IGF2R: variants seen among roughly 807,000 people sequenced by gnomAD.
The protein encoded by IGF2R is cation-independent mannose-6-phosphate receptor.
IGF2R carries 91 observed loss-of-function variants against 270.6 expected under a neutral mutation model. That is an observed-to-expected ratio of 0.34 (90% CI 0.28 to 0.40). The LOEUF is 0.40. IGF2R is among the 10% of genes least tolerant of loss of function. The pLI is 1.00. For synonymous variants in IGF2R, 1,316 were observed against 1,258.9 expected (o/e 1.05, Z -0.96); for missense variants, 2,805 against 3,188.3 (o/e 0.88, Z 2.90).
chr6:160,020,900 A>G (rs185461625), intron 4 of IGF2R, among the ~76,000 whole-genome samples: 66 of 152,382 alleles, frequency 4.3e-4, no homozygotes, highest in African/African-American at 1.5e-3. Context: ...CAAAGAATTC[A>G]TGACTAAGAC....
At position 160,029,543 on chromosome 6, in the gene IGF2R, C is replaced by T. The variant is rs761046185; in HGVS notation, c.777-7C>T. ...GTAATACTCTTTTCTCAATGTGGCT[C>T]TCCCAGGCTTGTCCTGAGTTACGTG... On this transcript the variant is annotated splice_region_variant and splice_polypyrimidine_tract_variant and intron_variant, in intron 6 of 47. Coordinates refer to ENST00000356956, the MANE Select transcript of IGF2R (RefSeq NM_000876.4). 6 of 1,596,388 alleles carry T rather than the reference C, an allele frequency of 3.8e-6. No homozygotes were observed. The highest frequency in any genetic ancestry group is 1.7e-4 in the Middle Eastern group (1 of 6,038).
Position 160,032,868 on chromosome 6 carries a change from CTAAG to C in IGF2R, c.1046-69_1046-66del, listed in dbSNP as rs1348815510. On this transcript the variant is annotated intron_variant, in intron 8 of 47. Transcript: ENST00000356956. ...TTTCAGAAATAGGATTCAGGTTTGA[CTAAG>C]TAAGACTGTAATCTTCTAATACCTA... 4.3e-6 allele frequency: 6 copies of C among 1,400,582 alleles called. No individual in the cohort carries two copies. In the East Asian group the frequency reaches 1.1e-4, roughly 27 times the overall value. The allele number at this position is 1,400,582 out of a possible 1,614,324, so 86.8% of individuals were successfully genotyped here.
intron 23 of IGF2R, 24 bp from the exon 24 acceptor site, chr6:160,061,479 G>T: frequency 1.2e-6 from 2 of 1,612,274 alleles, no homozygotes; most frequent in Non-Finnish European, 1.7e-6. Flanking sequence ...GAGTTCTCCA[G>T]CGTGGTTTTT....
chr6:160,065,814 G>GTGTATGTATATATA, intron 29 of IGF2R, among the ~76,000 whole-genome samples: 2 of 78,390 alleles, frequency 2.6e-5, no homozygotes, highest in African/African-American at 1.1e-4. Context: ...GTGTGTGTGT[G>GTGTATGTATATATA]TATATATATA....
At position 160,064,528 on chromosome 6, in the gene IGF2R, G is replaced by A. The variant is rs1562363855; in HGVS notation, c.4014G>A (p.Gln1338=). Residue 1338 remains glutamine, a synonymous_variant, in exon 28 of 48, where the codon CAG becomes CAA. Transcript: ENST00000356956. ...TCTTCTACTGTGACCGCGGCACCCA[G>A]CGGGTGAGCATGTACCGACGGCCCT... ...AIFFYCDRGT[Q]RPVFLKETSD... is the part of the protein sequence containing the mutation. 6.2e-7 allele frequency: 1 copy of A among 1,614,098 alleles called. No individual in the cohort carries two copies. The highest frequency in any genetic ancestry group is 8.5e-7 in the Non-Finnish European group (1 of 1,179,994).
rs944423333 is a variant in IGF2R at position 160,080,179 on chromosome 6, A to G, written c.5737A>G (p.Ser1913Gly). Reference sequence around the variant, plus strand: ...CTTCCCCTTCATATTCAATGGGAAGAGCTACGAGGAGTGCATCATAGAGAG... The same window carrying G: ...CTTCCCCTTCATATTCAATGGGAAGGGCTACGAGGAGTGCATCATAGAGAG... ...CVFPFIFNGKSYEECIIESRA... is the reference protein window; with the variant it reads ...CVFPFIFNGKGYEECIIESRA... Residue 1913 changes from serine to glycine, a missense_variant, in exon 39 of 48, where the codon AGC becomes GGC. By Grantham distance (56) the Ser-to-Gly change is moderately conservative (BLOSUM62 0). Around this residue, in one of 2 missense-constraint regions of IGF2R, gnomAD observed 1,851 missense variants for 2,207.2 expected, o/e 0.84. Transcript: ENST00000356956. 1.2e-6 allele frequency: 2 copies of G among 1,614,044 alleles called. No homozygotes were observed. Among genetic ancestry groups the G allele is most frequent in the African/African-American group, 1.3e-5 (1 of 74,928 alleles).
In IGF2R at chr6:160,111,392, T is replaced by C. The variant is rs1287253446; in HGVS notation, c.*6308T>C. The stretch of plus-strand genomic sequence containing the variant: ...AAGACAAGGATGAAGACCTTTATGA[T>C]GATCCACTTCCACTTAATATATAAT... On this transcript the variant is annotated 3_prime_UTR_variant, in exon 48 of 48. Transcript: ENST00000356956. 1.3e-5 allele frequency: 2 copies of C among 152,452 alleles called. No individual in the cohort carries two copies. Among genetic ancestry groups the C allele is most frequent in the East Asian group, 3.8e-4 (2 of 5,196 alleles). 9.4% of individuals were successfully genotyped at this position (152,452 alleles called of 1,614,324 possible).
rs1237897285 is a variant in IGF2R, at chr6:160,050,798, T to G, written c.2694+146T>G. 9.2e-6 allele frequency: 6 copies of G among 648,654 alleles called. No homozygotes were observed. Among genetic ancestry groups the G allele is most frequent in the Non-Finnish European group, 1.5e-5 (6 of 391,950 alleles). The allele number at this position is 648,654 out of a possible 1,614,324, so 40.2% of individuals were successfully genotyped here. On this transcript the variant is annotated intron_variant, in intron 19 of 47. Transcript: ENST00000356956. The surrounding 1 kb of genome is among the most constrained non-coding windows in gnomAD (Gnocchi z 4.0). ...CTGCTTAAGGTCAGTGTGCGGTATA[T>G]ATGTTCACAGGCAGGGAGTGATTTG...
chr6:160,073,017 T>G, intron 33 of IGF2R, 133 bp downstream of exon 33: 5 of 1,393,144 alleles, frequency 3.6e-6, no homozygotes, highest in Non-Finnish European at 4.9e-6. Flanking sequence ...CCTGCAGCAG[T>G]CACCCCATGT....
At chr6:160,035,395 T>C (rs1458443939) in intron 10 of IGF2R, among the ~76,000 whole-genome samples, 1 of 152,230 alleles carries the variant, frequency 6.6e-6, no homozygotes, top group Non-Finnish European at 1.5e-5. Context: ...GGACATGATG[T>C]GAACCATGCT....
intron 19 of IGF2R, among the ~76,000 whole-genome samples, chr6:160,051,707 C>A (rs1176599425): frequency 6.6e-6 from 1 of 152,224 alleles, no homozygotes; most frequent in South Asian, 2.1e-4. Flanking sequence ...TCTAACCCAG[C>A]ACTGTGGAAG....
At chr6:160,097,629 C>T (rs2114739008) in intron 45 of IGF2R, among the ~76,000 whole-genome samples, 1 of 152,360 alleles carries the variant, frequency 6.6e-6, no homozygotes, top group South Asian at 2.1e-4. Context: ...CATGCCCGGC[C>T]TGGCCCACCA....
intron 4 of IGF2R, among the ~76,000 whole-genome samples, chr6:160,017,003 G>A (rs1360096925): frequency 1.3e-5 from 2 of 152,168 alleles, no homozygotes; most frequent in African/African-American, 4.8e-5. Context: ...TAATCTTCCA[G>A]AAACAGATCC....
At chr6:160,073,716 A>G in intron 34 of IGF2R, 41 bp from the exon 35 acceptor site, 2 of 1,561,670 alleles carry the variant, frequency 1.3e-6, no homozygotes, top group East Asian at 2.2e-5. Flanking sequence ...TGATTAGGAA[A>G]ATTTTTTTGT....
chr6:160,008,489 C>G (rs1015682580), intron 2 of IGF2R, among the ~76,000 whole-genome samples: 1 of 152,094 alleles, frequency 6.6e-6, no homozygotes, highest in Non-Finnish European at 1.5e-5. Flanking sequence ...ACAGTAATGT[C>G]CTGGACAAGC....
At chr6:160,048,020 C>T (rs1476569726) in intron 17 of IGF2R, 113 bp downstream of exon 17, 4 of 772,408 alleles carry the variant, frequency 5.2e-6, no homozygotes, top group Non-Finnish European at 9.1e-6. Flanking sequence ...GGCTGTGGGG[C>T]TGCAGGACCA....
At position 160,080,184 on chromosome 6, in the gene IGF2R, CGAGGAGTGCA is replaced by C; in HGVS notation, c.5743_5752del (p.Glu1915SerfsTer2). ...CCTTCATATTCAATGGGAAGAGCTA[CGAGGAGTGCA>C]TCATAGAGAGCAGGGCGAAGCTGTG... On this transcript the variant is annotated frameshift_variant, in exon 39 of 48. Transcript: ENST00000356956. LOFTEE classifies it high-confidence loss of function. The C allele has an allele frequency of 6.2e-7, 1 of 1,614,078 alleles. No homozygotes were observed.
chr6:159,980,616 AACCACCACCT>A (rs1167662105), intron 1 of IGF2R, among the ~76,000 whole-genome samples: 1 of 152,170 alleles, frequency 6.6e-6, no homozygotes, highest in Non-Finnish European at 1.5e-5. Flanking sequence ...CTTTGTGAGG[AACCACCACCT>A]GGCGGTGGCC....
intron 30 of IGF2R, among the ~76,000 whole-genome samples, chr6:160,069,044 TG>T (rs1778655068): frequency 6.6e-6 from 1 of 152,016 alleles, no homozygotes; most frequent in South Asian, 2.1e-4. Context: ...AGGTAGAAGA[TG>T]GGGGGTGTGA....
Sources: allele counts gnomAD v4.1 joint callset (sites outside exome capture counted in the v4.1 genomes callset), GRCh38; gene constraint gnomAD v4.1.1; regional missense constraint gnomAD v4.1.1; non-coding constraint Gnocchi (gnomAD v3.1); transcripts MANE v1.5; gene names NCBI Gene and HGNC (gene_info 2026-07-23, HGNC 2026-07-21).